The following TYMS variants were observed in gnomAD, a reference collection of about 807,000 sequenced individuals.
TYMS encodes thymidylate synthase.
TYMS carries 21 observed loss-of-function variants against 39.3 expected under a neutral mutation model. The ratio of observed to expected loss-of-function variants is 0.54; its 90% CI spans 0.38 to 0.77. The LOEUF (loss-of-function observed/expected upper bound fraction) is 0.77, where lower values mean the gene tolerates loss of function less well. TYMS is among the 30% of genes least tolerant of loss of function. The pLI, the probability that TYMS is intolerant of heterozygous loss-of-function variation, is 0.00. For synonymous variants in TYMS, 171 were observed against 162.2 expected (o/e 1.05, Z -0.41); for missense variants, 273 against 406.7 (o/e 0.67, Z 2.83).
At chr18:668,463 T>C (rs1163312512) in intron 3 of TYMS, among the ~76,000 whole-genome samples, 1 of 152,174 alleles carries the variant, frequency 6.6e-6, no homozygotes, top group Non-Finnish European at 1.5e-5. Flanking sequence ...GGGAGCAAAG[T>C]ACAAGGTGGT....
intron 3 of TYMS, among the ~76,000 whole-genome samples, chr18:668,134 C>T (rs1484070473): frequency 2.6e-5 from 4 of 151,720 alleles, no homozygotes; most frequent in Non-Finnish European, 5.9e-5. Context: ...GCTAGTTTTA[C>T]GTGCACTTGT....
intron 3 of TYMS, among the ~76,000 whole-genome samples, chr18:662,522 T>A (rs2925470): frequency 0.45 from 65,758 of 146,062 alleles, 16,327 homozygotes; most frequent in Admixed American, 0.57. Context: ...TTTTTTTTTT[T>A]AATTATTATA....
chr18:662,429 A>G, intron 3 of TYMS, 109 bp downstream of exon 3: 1 of 1,034,150 alleles, frequency 9.7e-7, no homozygotes, highest in Non-Finnish European at 1.4e-6. Context: ...ACAGGAGCTG[A>G]TGTATAGCTT....
At chr18:659,156 T>C (rs2074729199) in intron 1 of TYMS, among the ~76,000 whole-genome samples, 1 of 152,140 alleles carries the variant, frequency 6.6e-6, no homozygotes, top group Non-Finnish European at 1.5e-5. Context: ...CAAAAATCTC[T>C]CTGTTGTCTG....
intron 3 of TYMS, among the ~76,000 whole-genome samples, chr18:664,311 C>G: frequency 6.7e-6 from 1 of 150,302 alleles, no homozygotes; most frequent in Non-Finnish European, 1.5e-5. Context: ...TGATTTGGCT[C>G]TCTGTTTGTC....
chr18:657,763 GCTGCCGCGCCGGCCCTTGCCCC>G lies in TYMS; in HGVS notation c.23_44del (p.Leu8ProfsTer53). 1 of 1,430,606 alleles carries G rather than the reference GCTGCCGCGCCGGCCCTTGCCCC, an allele frequency of 7.0e-7. No individual in the cohort carries two copies. Among genetic ancestry groups the G allele is most frequent in the Non-Finnish European group, 9.1e-7 (1 of 1,101,744 alleles). 88.6% of individuals were successfully genotyped at this position (1,430,606 alleles called of 1,614,324 possible). A position where few individuals can be genotyped will look rare whatever the true frequency, so the allele number is the denominator to read the frequency against. On this transcript the variant is annotated frameshift_variant, in exon 1 of 7. Coordinates refer to ENST00000323274, the MANE Select transcript of TYMS (RefSeq NM_001071.4). LOFTEE classifies it high-confidence loss of function. ...GCGCCATGCCTGTGGCCGGCTCGGA[GCTGCCGCGCCGGCCCTTGCCCC>G]CCGCCGCACAGGAGCGGGACGCCGA...
At chr18:664,407 G>A (rs1352967083) in intron 3 of TYMS, among the ~76,000 whole-genome samples, 1 of 146,362 alleles carries the variant, frequency 6.8e-6, no homozygotes, top group East Asian at 2.0e-4. Flanking sequence ...TCAGCTTAAG[G>A]AGATTTTGGG....
intron 2 of TYMS, among the ~76,000 whole-genome samples, chr18:661,229 A>C (rs1379729306): frequency 6.6e-6 from 1 of 152,198 alleles, no homozygotes; most frequent in Non-Finnish European, 1.5e-5. Context: ...CAACAATAGA[A>C]AGGGAGGAAG....
Position 661,489 on chromosome 18 carries a change from G to A in TYMS, c.280-657G>A, listed in dbSNP as rs115084756. 4.2e-3 allele frequency among the ~76,000 whole-genome samples: 647 copies of A among 152,322 alleles called. 6 individuals are homozygous for A. Among genetic ancestry groups the A allele is most frequent in the African/African-American group, 0.015 (608 of 41,560 alleles). On this transcript the variant is annotated intron_variant, in intron 2 of 6. Coordinates refer to ENST00000323274, the MANE Select transcript of TYMS (RefSeq NM_001071.4). ...TGCATGTAGGCATTAAATTCATTTT[G>A]GGGTATTACATATAGACAACACATT...
At chr18:666,500 C>G (rs1408649112) in intron 3 of TYMS, among the ~76,000 whole-genome samples, 1 of 152,096 alleles carries the variant, frequency 6.6e-6, no homozygotes, top group Non-Finnish European at 1.5e-5. Context: ...CAGCCCCTCC[C>G]ACCTGTCCCT....
chr18:664,765 A>G (rs1266045409), intron 3 of TYMS, among the ~76,000 whole-genome samples: 1 of 150,336 alleles, frequency 6.7e-6, no homozygotes, highest in African/African-American at 2.5e-5. Flanking sequence ...TTCTGCATCT[A>G]TTGAGATAAT....
At chr18:662,494 G>A (rs978540372) in intron 3 of TYMS, among the ~76,000 whole-genome samples, 174 bp downstream of exon 3, 7 of 140,122 alleles carry the variant, frequency 5.0e-5, no homozygotes, top group Non-Finnish European at 7.6e-5. Flanking sequence ...CATGAAGGCC[G>A]TTTCACACTC....
At chr18:666,700 G>A (rs922263965) in intron 3 of TYMS, among the ~76,000 whole-genome samples, 4 of 152,232 alleles carry the variant, frequency 2.6e-5, no homozygotes, top group African/African-American at 9.7e-5. Flanking sequence ...TATATTTTAT[G>A]TGCGGTCATG....
rs1035176056 is a variant in TYMS, at chr18:660,389, G to C, written c.279+675G>C. On this transcript the variant is annotated intron_variant, in intron 2 of 6. Coordinates refer to ENST00000323274, the MANE Select transcript of TYMS (RefSeq NM_001071.4). The surrounding 1 kb of genome is among the most constrained non-coding windows in gnomAD (Gnocchi z 4.6). ...ACCTCCTTGGTGTTTCTCCATAGAC[G>C]AACATCACCATCTGATGTATGTCAG... 3.3e-5 allele frequency among the ~76,000 whole-genome samples: 5 copies of C among 152,182 alleles called. No individual in the cohort carries two copies. Among genetic ancestry groups the C allele is most frequent in the Admixed American group, 3.3e-4 (5 of 15,288 alleles).
At chr18:665,508 A>C (rs1417860734) in intron 3 of TYMS, among the ~76,000 whole-genome samples, 1 of 139,988 alleles carries the variant, frequency 7.1e-6, no homozygotes, top group Non-Finnish European at 1.5e-5. Context: ...TTGTGTCTCT[A>C]TTTCCTTCAG....
intron 3 of TYMS, chr18:667,881 C>T (rs1410596659): frequency 6.6e-6 from 1 of 151,582 alleles, no homozygotes; most frequent in African/African-American, 2.4e-5. Flanking sequence ...GCTTAAAAGG[C>T]CTAATAAAAT....
In TYMS at chr18:664,634, G is replaced by A. The variant is rs11872105; in HGVS notation, c.454+2314G>A. On this transcript the variant is annotated intron_variant, in intron 3 of 6. Coordinates refer to ENST00000323274, the MANE Select transcript of TYMS (RefSeq NM_001071.4). ...AATGCTTCCAGTTTTTGCCCATTCA[G>A]TATGATATTGGCTGTGGGTTTGTCA... Among the ~76,000 whole-genome samples, 9 of 138,040 alleles carry A rather than the reference G, an allele frequency of 6.5e-5. 1 individual carries two copies. The South Asian group carries it at 9.9e-4, about 15-fold the overall frequency. 90.6% of individuals were successfully genotyped at this position (138,040 alleles called of 152,430 possible). A position where few individuals can be genotyped will look rare whatever the true frequency, so the allele number is the denominator to read the frequency against.
At chr18:668,358 T>G (rs574583783) in intron 3 of TYMS, among the ~76,000 whole-genome samples, 1 of 152,276 alleles carries the variant, frequency 6.6e-6, no homozygotes, top group East Asian at 1.9e-4. Context: ...CCAAAGGAGA[T>G]TATGAAGCTC....
At chr18:669,889 G>T (rs1313219512) in intron 4 of TYMS, among the ~76,000 whole-genome samples, 1 of 151,692 alleles carries the variant, frequency 6.6e-6, no homozygotes, top group Admixed American at 6.6e-5. Flanking sequence ...TTGAACCCAG[G>T]AATTTGAGGC....
Sources: allele counts gnomAD v4.1 joint callset (sites outside exome capture counted in the v4.1 genomes callset), GRCh38; gene constraint gnomAD v4.1.1; non-coding constraint Gnocchi (gnomAD v3.1); transcripts MANE v1.5; gene names NCBI Gene and HGNC (gene_info 2026-07-23, HGNC 2026-07-21).